The following MACROD2 variants were observed in gnomAD, a reference collection of about 807,000 sequenced individuals.
MACROD2 encodes the protein ADP-ribose glycohydrolase MACROD2.
Under a neutral mutation model 70.4 loss-of-function variants are expected in MACROD2, and 36 were observed. The ratio of observed to expected loss-of-function variants is 0.51; its 90% confidence interval spans 0.39 to 0.68. MACROD2 has a LOEUF of 0.68. Ranked by LOEUF, MACROD2 falls within the 30% of genes least tolerant of loss-of-function variation. The pLI, the probability that MACROD2 is intolerant of heterozygous loss-of-function variation, is 0.00. For missense variants in MACROD2, 496 were observed against 538.4 expected (o/e 0.92, Z 0.78); for synonymous variants, 172 against 178.8 (o/e 0.96, Z 0.30).
intron 6 of MACROD2, among the ~76,000 whole-genome samples, chr20:15,422,312 G>A (rs2046240367): frequency 6.6e-6 from 1 of 152,116 alleles, no homozygotes; most frequent in Admixed American, 6.5e-5. Flanking sequence ...TGTTCTCAGC[G>A]AATTAGAGGA....
At chr20:14,362,967 A>C (rs1303628539) in intron 3 of MACROD2, among the ~76,000 whole-genome samples, 1 of 152,150 alleles carries the variant, frequency 6.6e-6, no homozygotes, top group Non-Finnish European at 1.5e-5. Flanking sequence ...CCAGCTCACA[A>C]AATTTCTGAA....
chr20:15,571,871 G>A, intron 8 of MACROD2, among the ~76,000 whole-genome samples: 1 of 152,156 alleles, frequency 6.6e-6, no homozygotes. Context: ...TAAGTTTTCT[G>A]GCAAGTTCTG....
chr20:15,704,958 A>G lies in MACROD2; in HGVS notation c.646-157787A>G, dbSNP rs1489815654. On this transcript the variant is annotated intron_variant, in intron 8 of 17. Transcript: ENST00000684519. ...TTGAAGGTGTTCCAGTCACCCATAGAGGTGAAATATAGTTCCCTTTCTGGA... is the reference window on the plus strand; with the variant it reads ...TTGAAGGTGTTCCAGTCACCCATAGGGGTGAAATATAGTTCCCTTTCTGGA... 5.9e-5 allele frequency among the ~76,000 whole-genome samples: 9 copies of G among 152,168 alleles called. No homozygotes were observed. In the South Asian group the frequency reaches 1.7e-3, roughly 28 times the overall value.
chr20:15,581,990 C>T (rs979344153), intron 8 of MACROD2, among the ~76,000 whole-genome samples: 2 of 152,080 alleles, frequency 1.3e-5, no homozygotes, highest in African/African-American at 2.4e-5. Context: ...GGCATGATGG[C>T]GTGGACCTGT....
Position 15,970,811 on chromosome 20 carries a change from T to G in MACROD2, c.985+3181T>G, listed in dbSNP as rs1299797630. ...GGAGCTTACATAGGGCTAGAAGAAG[T>G]GCCTGTTCCCACCAGCAAGACTGGA... is the stretch of plus-strand genomic sequence containing the variant. On this transcript the variant is annotated intron_variant, in intron 13 of 17. Transcript: ENST00000684519. Among the ~76,000 whole-genome samples the G allele has an allele frequency of 2.0e-5, 3 of 152,220 alleles. No individual in the cohort carries two copies. In the East Asian group the frequency reaches 5.8e-4, roughly 29 times the overall value.
chr20:15,392,310 G>A (rs2045803760), intron 6 of MACROD2, among the ~76,000 whole-genome samples: 2 of 151,984 alleles, frequency 1.3e-5, no homozygotes, highest in Admixed American at 1.3e-4. Flanking sequence ...ATTATGATTG[G>A]TTTTCTAATA....
At chr20:14,599,821 G>A (rs192990057) in intron 4 of MACROD2, among the ~76,000 whole-genome samples, 1 of 152,168 alleles carries the variant, frequency 6.6e-6, no homozygotes, top group African/African-American at 2.4e-5. Context: ...ACAAGACTTG[G>A]CAATGCCTCA....
At chr20:15,521,707 G>T (rs1169589520) in intron 8 of MACROD2, among the ~76,000 whole-genome samples, 2 of 152,174 alleles carry the variant, frequency 1.3e-5, no homozygotes, top group Non-Finnish European at 2.9e-5. Flanking sequence ...CAAGATTATG[G>T]ACGGTAAAAA....
chr20:15,789,502 A>C (rs879658312), intron 8 of MACROD2, among the ~76,000 whole-genome samples: 16 of 152,200 alleles, frequency 1.1e-4, no homozygotes, highest in Non-Finnish European at 2.2e-4. Flanking sequence ...AATTCAAAGA[A>C]TGTAACAGCG....
intron 5 of MACROD2, chr20:14,757,839 T>C (rs2071961898): frequency 6.6e-7 from 1 of 1,523,736 alleles, no homozygotes; most frequent in African/African-American, 1.4e-5. Flanking sequence ...CCTGCCACTC[T>C]ATGCCGTAGC....
intron 3 of MACROD2, among the ~76,000 whole-genome samples, chr20:14,341,483 C>A (rs1296746916): frequency 6.6e-6 from 1 of 151,880 alleles, no homozygotes; most frequent in African/African-American, 2.4e-5. Flanking sequence ...AGTAAAAATA[C>A]AAAAAGTTAG....
At chr20:14,365,421 C>T (rs2083263011) in intron 3 of MACROD2, among the ~76,000 whole-genome samples, 1 of 151,082 alleles carries the variant, frequency 6.6e-6, no homozygotes, top group Non-Finnish European at 1.5e-5. Flanking sequence ...TAATAATGTT[C>T]ATGTATAATA....
intron 8 of MACROD2, among the ~76,000 whole-genome samples, chr20:15,626,642 G>A (rs1461702640): frequency 1.3e-5 from 2 of 152,178 alleles, no homozygotes; most frequent in Non-Finnish European, 2.9e-5. Flanking sequence ...ATCACTTGAG[G>A]TCAGGAGTTT....
chr20:14,594,341 C>CATTT (rs755133808), intron 4 of MACROD2, among the ~76,000 whole-genome samples: 37 of 152,276 alleles, frequency 2.4e-4, no homozygotes, highest in Non-Finnish European at 5.1e-4. Context: ...AATTACAAGG[C>CATTT]ATTTATGGTT....
chr20:14,671,863 A>C (rs928080113), intron 4 of MACROD2, among the ~76,000 whole-genome samples: 9 of 152,182 alleles, frequency 5.9e-5, no homozygotes, highest in African/African-American at 2.2e-4. Flanking sequence ...CTGCTCCCTA[A>C]AGGAAACACT....
intron 6 of MACROD2, among the ~76,000 whole-genome samples, chr20:15,283,895 T>C (rs116111084): frequency 0.012 from 1,903 of 152,270 alleles, 42 homozygotes; most frequent in African/African-American, 0.042. Context: ...GCTTCAACAA[T>C]GGTCATCTCC....
chr20:14,607,319 AGATT>A (rs545942689), intron 4 of MACROD2, among the ~76,000 whole-genome samples: 54 of 152,278 alleles, frequency 3.5e-4, no homozygotes, highest in African/African-American at 1.1e-3. Context: ...TATATGAGCT[AGATT>A]ATCTTCATAA....
intron 2 of MACROD2, among the ~76,000 whole-genome samples, chr20:14,060,029 C>A (rs779365097): frequency 1.3e-5 from 2 of 152,256 alleles, no homozygotes; most frequent in African/African-American, 4.8e-5. Flanking sequence ...TCGACCCTTA[C>A]GTGCTTATGA....
chr20:15,020,401 A>T (rs574629141), intron 5 of MACROD2, among the ~76,000 whole-genome samples: 1 of 152,282 alleles, frequency 6.6e-6, no homozygotes, highest in African/African-American at 2.4e-5. Flanking sequence ...TGAGTTTTGA[A>T]AATTACTCTA....
Sources: allele counts gnomAD v4.1 joint callset (sites outside exome capture counted in the v4.1 genomes callset), GRCh38; gene constraint gnomAD v4.1.1; transcripts MANE v1.5; gene names NCBI Gene and HGNC (gene_info 2026-07-23, HGNC 2026-07-21).